NCKAP5: variants seen among roughly 807,000 people sequenced by gnomAD.
NCKAP5 encodes nck-associated protein 5.
A neutral mutation model predicts 167.0 loss-of-function variants in NCKAP5; 92 were observed. That is an observed-to-expected ratio of 0.55 (90% CI 0.47 to 0.66). The LOEUF (loss-of-function observed/expected upper bound fraction) is 0.66. Ranked by LOEUF, NCKAP5 falls within the 30% of genes least tolerant of loss-of-function variation. The pLI, the probability that NCKAP5 is intolerant of heterozygous loss-of-function variation, is 0.00. For synonymous variants in NCKAP5, 891 were observed against 877.4 expected, an observed-to-expected ratio of 1.02 and a Z score of -0.27; for missense variants, 2,378 against 2,315.0, an observed-to-expected ratio of 1.03 and a Z score of -0.56.
chr2:132,784,042 C>G lies in NCKAP5; in HGVS notation c.2769G>C (p.Gly923=). The change falls in exon 14 of 20, where the codon GGG becomes GGC. Residue 923 remains glycine, a synonymous_variant. Coordinates refer to ENST00000409261, the MANE Select transcript of NCKAP5 (RefSeq NM_207363.3). ...GGGGCGGAGGGGAAGGGGATTTCACCCCTGCCTCCGGCCCAGAGCCACAGT... is the reference window on the plus strand; with the variant it reads ...GGGGCGGAGGGGAAGGGGATTTCACGCCTGCCTCCGGCCCAGAGCCACAGT... ...DEHCGSGPEA[G]VKSPSPPPPP... The G allele has an allele frequency of 6.5e-7, 1 of 1,539,356 alleles. No individual in the cohort carries two copies. Among genetic ancestry groups the G allele is most frequent in the Non-Finnish European group, 8.7e-7 (1 of 1,146,770 alleles).
intron 19 of NCKAP5, among the ~76,000 whole-genome samples, chr2:132,690,989 C>G (rs919251049): frequency 6.6e-6 from 1 of 152,182 alleles, no homozygotes; most frequent in African/African-American, 2.4e-5. Context: ...CTGCTAATTT[C>G]TAGATCATGA....
intron 6 of NCKAP5, among the ~76,000 whole-genome samples, chr2:133,095,725 C>T (rs990905674): frequency 1.3e-5 from 2 of 152,096 alleles, no homozygotes; most frequent in East Asian, 3.9e-4. Context: ...TCTATGTGCT[C>T]AATAGAGACA....
intron 3 of NCKAP5, among the ~76,000 whole-genome samples, chr2:133,472,027 C>T (rs1679379137): frequency 6.6e-6 from 1 of 152,088 alleles, no homozygotes; most frequent in Non-Finnish European, 1.5e-5. Context: ...TATAGACTAA[C>T]ATAAAAGAAA....
the NCKAP5 span, among the ~76,000 whole-genome samples, chr2:133,620,089 T>A: frequency 6.6e-6 from 1 of 151,888 alleles, no homozygotes; most frequent in Non-Finnish European, 1.5e-5. Flanking sequence ...TAAAAGGAGA[T>A]GTAACTCTTG....
At chr2:133,207,484 C>T (rs111545832) in intron 5 of NCKAP5, among the ~76,000 whole-genome samples, 5 of 152,254 alleles carry the variant, frequency 3.3e-5, no homozygotes, top group African/African-American at 9.6e-5. Flanking sequence ...TGGGCTGGTA[C>T]ACAGCACCAA....
At chr2:133,374,793 G>T (rs929646361) in intron 3 of NCKAP5, among the ~76,000 whole-genome samples, 8 of 152,198 alleles carry the variant, frequency 5.3e-5, no homozygotes, top group African/African-American at 1.9e-4. Context: ...TGTGCTGTTG[G>T]TCTTCAGAGA....
chr2:133,546,228 C>T (rs772619725), intron 2 of NCKAP5, among the ~76,000 whole-genome samples: 1 of 151,998 alleles, frequency 6.6e-6, no homozygotes, highest in Non-Finnish European at 1.5e-5. Context: ...AAAAAGTGCC[C>T]CCACTGAGGA....
the NCKAP5 span, among the ~76,000 whole-genome samples, chr2:133,671,087 T>G: frequency 6.6e-6 from 1 of 151,340 alleles, no homozygotes; most frequent in Non-Finnish European, 1.5e-5. Context: ...TGGTGGCAGG[T>G]GCCTGTAGTC....
rs59494014 is a variant in NCKAP5, at chr2:133,049,544, CAAA to C, written c.342-55308_342-55306del. Among the ~76,000 whole-genome samples, 202 of 78,292 alleles carry C rather than the reference CAAA, an allele frequency of 2.6e-3. 1 individual carries two copies. The East Asian group carries it at 0.034, about 13-fold the overall frequency. The allele number at this position is 78,292 out of a possible 152,430, so 51.4% of individuals were successfully genotyped here. ...TGGGCGACAGAGTGAGACTCTGTCT[CAAA>C]AAAAAAAAAAAAAAAAAAAAGAATG... On this transcript the variant is annotated intron_variant, in intron 6 of 19. Coordinates refer to ENST00000409261, the MANE Select transcript of NCKAP5 (RefSeq NM_207363.3).
intron 7 of NCKAP5, among the ~76,000 whole-genome samples, chr2:132,967,951 G>C (rs1291834281): frequency 6.6e-6 from 1 of 152,158 alleles, no homozygotes; most frequent in Admixed American, 6.5e-5. Flanking sequence ...CAAATGATGA[G>C]GAGGAAGTAG....
chr2:133,115,775 G>A (rs865886184), intron 6 of NCKAP5, among the ~76,000 whole-genome samples: 22 of 94,292 alleles, frequency 2.3e-4, no homozygotes, highest in African/African-American at 4.9e-4. Context: ...ATGTGTGTGT[G>A]TATATATATA....
intron 8 of NCKAP5, among the ~76,000 whole-genome samples, chr2:132,885,084 A>G (rs1475442551): frequency 6.6e-6 from 1 of 152,238 alleles, no homozygotes; most frequent in Non-Finnish European, 1.5e-5. Context: ...GGGACAAAAA[A>G]GATATTAACA....
At chr2:133,010,141 G>C (rs1172888131) in intron 6 of NCKAP5, among the ~76,000 whole-genome samples, 3 of 152,000 alleles carry the variant, frequency 2.0e-5, no homozygotes, top group African/African-American at 7.2e-5. Context: ...CTGAAGTTTT[G>C]AAAAATAAGT....
chr2:133,673,922 C>G, the NCKAP5 span, among the ~76,000 whole-genome samples: 3 of 152,206 alleles, frequency 2.0e-5, no homozygotes, highest in Non-Finnish European at 4.4e-5. Context: ...CTTTGTATGT[C>G]TTTCATTGAT....
chr2:132,861,067 A>G (rs1689868289), intron 10 of NCKAP5, among the ~76,000 whole-genome samples: 1 of 152,158 alleles, frequency 6.6e-6, no homozygotes, highest in African/African-American at 2.4e-5. Flanking sequence ...AACAAGTTGA[A>G]ATTCTCGGTG....
intron 6 of NCKAP5, among the ~76,000 whole-genome samples, chr2:133,047,282 G>A (rs1487268575): frequency 6.6e-6 from 1 of 152,156 alleles, no homozygotes; most frequent in Non-Finnish European, 1.5e-5. Flanking sequence ...CTGGATAAAC[G>A]AGTCTCAGCA....
chr2:133,120,484 T>C (rs929149345), intron 6 of NCKAP5, among the ~76,000 whole-genome samples: 2 of 152,174 alleles, frequency 1.3e-5, no homozygotes, highest in African/African-American at 2.4e-5. Flanking sequence ...CAATCTATAC[T>C]ACTGGGACTG....
At chr2:133,140,890 T>C (rs2082971175) in intron 5 of NCKAP5, among the ~76,000 whole-genome samples, 1 of 151,814 alleles carries the variant, frequency 6.6e-6, no homozygotes, top group South Asian at 2.1e-4. Flanking sequence ...TTATTCCCTG[T>C]CTCTTCAAAG....
chr2:133,505,509 T>C (rs1456152189), intron 3 of NCKAP5, among the ~76,000 whole-genome samples: 2 of 152,164 alleles, frequency 1.3e-5, no homozygotes, highest in Non-Finnish European at 2.9e-5. Context: ...GAAGTCTGCA[T>C]GCCAGGCATG....
Sources: allele counts gnomAD v4.1 joint callset (sites outside exome capture counted in the v4.1 genomes callset), GRCh38; gene constraint gnomAD v4.1.1; transcripts MANE v1.5; gene names NCBI Gene and HGNC (gene_info 2026-07-23, HGNC 2026-07-21).